SGCD: variants seen among roughly 807,000 people sequenced by gnomAD.
SGCD encodes sarcoglycan delta, also known as delta-sarcoglycan.
In SGCD, 18 loss-of-function variants were observed where a neutral mutation model predicts 36.6. That is an observed-to-expected ratio of 0.49 (90% CI 0.34 to 0.73). The LOEUF (loss-of-function observed/expected upper bound fraction) is 0.73. Ranked by LOEUF, SGCD falls within the 30% of genes least tolerant of loss-of-function variation. The pLI is 0.01. For synonymous variants in SGCD, 133 were observed against 130.6 expected, an observed-to-expected ratio of 1.02 and a Z score of -0.12; for missense variants, 387 against 346.7, an observed-to-expected ratio of 1.12 and a Z score of -0.92.
chr5:155,784,371 G>A, the SGCD span, among the ~76,000 whole-genome samples: 9 of 152,294 alleles, frequency 5.9e-5, no homozygotes, highest in South Asian at 6.2e-4. Flanking sequence ...ATTTCAGGGC[G>A]AGCAGTAAGC....
chr5:156,319,084 C>T (rs1767594173), intron 3 of SGCD, among the ~76,000 whole-genome samples: 1 of 152,158 alleles, frequency 6.6e-6, no homozygotes, highest in African/African-American at 2.4e-5. Context: ...GTGCATTTTA[C>T]ATGAAATATA....
At chr5:156,549,524 A>G (rs1758710144) in intron 4 of SGCD, among the ~76,000 whole-genome samples, 1 of 152,248 alleles carries the variant, frequency 6.6e-6, no homozygotes, top group Admixed American at 6.5e-5. Context: ...AATGTTCATT[A>G]GGTGTGTACT....
At chr5:155,830,068 C>T in the SGCD span, among the ~76,000 whole-genome samples, 32 of 152,314 alleles carry the variant, frequency 2.1e-4, no homozygotes, top group African/African-American at 7.7e-4. Flanking sequence ...TGCCCCAAGT[C>T]ACTTCATTGT....
At chr5:155,728,723 G>C in the SGCD span, among the ~76,000 whole-genome samples, 174 of 152,128 alleles carry the variant, frequency 1.1e-3, no homozygotes, top group Non-Finnish European at 1.9e-3. Context: ...CGCGAAGTCC[G>C]AAGTCCGCCC....
intron 6 of SGCD, among the ~76,000 whole-genome samples, chr5:156,628,073 G>A (rs568658838): frequency 2.2e-4 from 34 of 152,282 alleles, no homozygotes; most frequent in African/African-American, 7.2e-4. Flanking sequence ...TACAGTCATG[G>A]TGGAAGGCAG....
intron 1 of SGCD, among the ~76,000 whole-genome samples, chr5:156,007,601 G>T (rs1298141025): frequency 2.6e-5 from 4 of 152,114 alleles, no homozygotes; most frequent in Admixed American, 2.0e-4. Context: ...AAAAGGGGAG[G>T]AGCTCAATCA....
At chr5:156,036,886 C>G (rs1759512445) in intron 1 of SGCD, among the ~76,000 whole-genome samples, 2 of 152,092 alleles carry the variant, frequency 1.3e-5, no homozygotes, top group Non-Finnish European at 2.9e-5. Flanking sequence ...TAAATATAGA[C>G]CAAGCTTTTT....
intron 3 of SGCD, among the ~76,000 whole-genome samples, chr5:156,451,841 A>G (rs1370664038): frequency 6.6e-6 from 1 of 152,200 alleles, no homozygotes; most frequent in African/African-American, 2.4e-5. Context: ...AAATATTTCT[A>G]CCTGGTTCCA....
At chr5:155,768,944 A>C in the SGCD span, among the ~76,000 whole-genome samples, 28 of 152,310 alleles carry the variant, frequency 1.8e-4, no homozygotes, top group Middle Eastern at 3.4e-3. Context: ...AAATTGCTGC[A>C]ACAAAGATAT....
At chr5:156,550,690 C>T (rs896799934) in intron 4 of SGCD, among the ~76,000 whole-genome samples, 14 of 152,278 alleles carry the variant, frequency 9.2e-5, no homozygotes, top group South Asian at 2.1e-4. Flanking sequence ...ATTAGATTCC[C>T]GCTCTCTGAG....
chr5:155,762,178 C>G, the SGCD span, among the ~76,000 whole-genome samples: 2 of 152,236 alleles, frequency 1.3e-5, no homozygotes, highest in African/African-American at 4.8e-5. Context: ...CCCCACCCAC[C>G]CTTTCCCAGG....
At chr5:155,849,831 G>A in the SGCD span, among the ~76,000 whole-genome samples, 2 of 152,188 alleles carry the variant, frequency 1.3e-5, no homozygotes, top group African/African-American at 4.8e-5. Flanking sequence ...ACTGGCAGAA[G>A]TACAAATGTT....
chr5:156,111,793 T>C (rs1581105208), intron 1 of SGCD, among the ~76,000 whole-genome samples: 2 of 149,048 alleles, frequency 1.3e-5, no homozygotes, highest in Admixed American at 6.7e-5. Context: ...TTTTTTTTTT[T>C]CTTGAGATAG....
At chr5:156,386,023 C>CT (rs1008204641) in intron 3 of SGCD, among the ~76,000 whole-genome samples, 4 of 152,194 alleles carry the variant, frequency 2.6e-5, no homozygotes, top group Admixed American at 6.5e-5. Flanking sequence ...TCCAGATCTC[C>CT]TATCAGGTAA....
chr5:155,994,565 G>A (rs563494992), intron 1 of SGCD, among the ~76,000 whole-genome samples: 1 of 152,314 alleles, frequency 6.6e-6, no homozygotes, highest in South Asian at 2.1e-4. Flanking sequence ...TCATCACAAT[G>A]CTTGGGATCA....
At chr5:155,962,236 T>C (rs1757805568) in intron 1 of SGCD, among the ~76,000 whole-genome samples, 1 of 152,110 alleles carries the variant, frequency 6.6e-6, no homozygotes, top group South Asian at 2.1e-4. Context: ...AAGCCTATGA[T>C]GCCTTACCGA....
intron 1 of SGCD, among the ~76,000 whole-genome samples, chr5:156,076,776 A>G (rs545625435): frequency 6.6e-6 from 1 of 152,316 alleles, no homozygotes; most frequent in South Asian, 2.1e-4. Flanking sequence ...TTAGCTATGA[A>G]AGGATTAGAG....
chr5:156,376,758 A>G (rs950660322), intron 3 of SGCD, among the ~76,000 whole-genome samples: 5 of 152,180 alleles, frequency 3.3e-5, no homozygotes, highest in African/African-American at 1.2e-4. Context: ...GAGGAAGTTT[A>G]TTGAACTTGC....
chr5:156,049,782 A>C (rs1401313236), intron 1 of SGCD, among the ~76,000 whole-genome samples: 1 of 146,454 alleles, frequency 6.8e-6, no homozygotes, highest in East Asian at 1.9e-4. Context: ...TGACTTGGGA[A>C]AAAGTTGATT....
Sources: allele counts gnomAD v4.1 joint callset (sites outside exome capture counted in the v4.1 genomes callset), GRCh38; gene constraint gnomAD v4.1.1; transcripts MANE v1.5; gene names NCBI Gene and HGNC (gene_info 2026-07-23, HGNC 2026-07-21).